The following ATP6V1G3 variants were observed in gnomAD, a reference collection of about 807,000 sequenced individuals.
ATP6V1G3 encodes the protein ATPase H+ transporting V1 subunit G3, also known as V-type proton ATPase subunit G 3.
Under a neutral mutation model 9.3 loss-of-function variants are expected in ATP6V1G3, and 9 were observed. That is an observed-to-expected ratio of 0.97 (90% CI 0.59 to 1.69). ATP6V1G3 has a LOEUF of 1.69. ATP6V1G3 is among the 40% of genes most tolerant of loss of function. The pLI, the probability that ATP6V1G3 is intolerant of heterozygous loss-of-function variation, is 0.00. For synonymous variants in ATP6V1G3, 43 were observed against 43.8 expected, an observed-to-expected ratio of 0.98 and a Z score of 0.07; for missense variants, 133 against 139.0, an observed-to-expected ratio of 0.96 and a Z score of 0.22.
At chr1:198,529,451 T>C (rs1659807355) in intron 1 of ATP6V1G3, among the ~76,000 whole-genome samples, 1 of 151,876 alleles carries the variant, frequency 6.6e-6, no homozygotes, top group Non-Finnish European at 1.5e-5. Flanking sequence ...GACACGTAAA[T>C]GACAACTTTT....
At position 198,529,129 on chromosome 1, in the gene ATP6V1G3, G is replaced by A. The variant is rs764153833; in HGVS notation, c.135C>T (p.Asp45=). 3.4e-6 allele frequency: 5 copies of A among 1,470,834 alleles called. No homozygotes were observed. 91.1% of individuals were successfully genotyped at this position (1,470,834 alleles called of 1,614,324 possible). Residue 45 remains aspartate, a synonymous_variant, in exon 2 of 3, where the codon GAC becomes GAT. Coordinates refer to ENST00000367382, the MANE Select transcript of ATP6V1G3 (RefSeq NM_001376861.1). ...QAKEEAMVEI[D]QYRMQRDKEF... is the part of the protein sequence containing the mutation. ...CTTTATCTCTCTGCATTCTGTACTG[G>A]TCAATTTCTACCATTGCTTCCTCCT...
intron 1 of ATP6V1G3, among the ~76,000 whole-genome samples, chr1:198,531,561 T>C (rs1332686494): frequency 2.6e-5 from 4 of 152,154 alleles, no homozygotes; most frequent in African/African-American, 9.7e-5. Flanking sequence ...GGGTAATGCT[T>C]GAAGATGGAC....
At chr1:198,525,235 G>T (rs1659608792) in intron 2 of ATP6V1G3, among the ~76,000 whole-genome samples, 1 of 152,092 alleles carries the variant, frequency 6.6e-6, no homozygotes, top group Admixed American at 6.5e-5. Context: ...TGTCTTAAGT[G>T]TGATTCTACC....
chr1:198,540,507 C>A (rs2103148922), intron 1 of ATP6V1G3, 62 bp downstream of exon 1: 1 of 1,544,166 alleles, frequency 6.5e-7, no homozygotes, highest in East Asian at 2.2e-5. Flanking sequence ...AAAGTCTATG[C>A]TTATCCCTGC....
Position 198,536,905 on chromosome 1 carries a change from CAT to C in ATP6V1G3, c.82+3662_82+3663del, listed in dbSNP as rs1030551487. Among the ~76,000 whole-genome samples the C allele has an allele frequency of 2.0e-5, 3 of 151,882 alleles. No homozygotes were observed. The East Asian group carries it at 5.8e-4, about 29-fold the overall frequency. On this transcript the variant is annotated intron_variant, in intron 1 of 2. Transcript: ENST00000367382. ...TTTCTGATTCTTACAACCTCTTGGT[CAT>C]ATGTGTGTGTGTGTGCGTGTATTAT...
chr1:198,537,818 C>T (rs910685509), intron 1 of ATP6V1G3, among the ~76,000 whole-genome samples: 3 of 151,966 alleles, frequency 2.0e-5, no homozygotes, highest in Non-Finnish European at 4.4e-5. Flanking sequence ...AGTAGATACC[C>T]AATAAACACT....
intron 2 of ATP6V1G3, among the ~76,000 whole-genome samples, chr1:198,526,052 C>G (rs1659639747): frequency 6.6e-6 from 1 of 152,150 alleles, no homozygotes; most frequent in African/African-American, 2.4e-5. Context: ...TGTAATACCC[C>G]ATAATCACGT....
rs1322410921 is a variant in ATP6V1G3 at position 198,525,565 on chromosome 1, A to G, written c.184-2001T>C. ...AAAGGCAACTCATATATATGTAATT[A>G]TAAGTTTTCTAGAAGCCACATCAAA... On this transcript the variant is annotated intron_variant, in intron 2 of 2. Transcript: ENST00000367382. 5.3e-5 allele frequency among the ~76,000 whole-genome samples: 8 copies of G among 152,324 alleles called. No individual in the cohort carries two copies. The East Asian group carries it at 1.5e-3, about 29-fold the overall frequency.
chr1:198,523,407 T>C lies in ATP6V1G3; in HGVS notation c.341A>G (p.Tyr114Cys). Residue 114 changes from tyrosine to cysteine, a missense_variant, in exon 3 of 3, where the codon TAC becomes TGC. By Grantham distance (194) the Tyr-to-Cys change is radical (BLOSUM62 -2). Transcript: ENST00000367382. ...CDMKPEIHVN[Y>C]RATN ...GATGTACATTTAGTTGGTGGCTCTGTAGTTCACATGGATTTCTGGTTTCAT... is the reference window on the plus strand; with the variant it reads ...GATGTACATTTAGTTGGTGGCTCTGCAGTTCACATGGATTTCTGGTTTCAT... The C allele has an allele frequency of 6.2e-7, 1 of 1,613,004 alleles. No individual in the cohort carries two copies. The highest frequency in any genetic ancestry group is 2.2e-5 in the East Asian group (1 of 44,800).
chr1:198,539,273 A>G (rs1213348109), intron 1 of ATP6V1G3, among the ~76,000 whole-genome samples: 19 of 152,212 alleles, frequency 1.2e-4, no homozygotes, highest in Admixed American at 1.2e-3. Context: ...ATGTTGTAAT[A>G]TATTCCTTCA....
In ATP6V1G3 at chr1:198,540,582, C is replaced by T. The variant is rs752155821; in HGVS notation, c.69G>A (p.Glu23=). The change falls in exon 1 of 3, where the codon GAG becomes GAA. Residue 23 remains glutamate, a synonymous_variant. Transcript: ENST00000367382. ...GGTGAGACTTACTCTTCTTGGCTTC[C>T]TCTAGCTTGTCCTTGGCCCGTTTTT... The part of the protein sequence containing the change: ...QAEKRAKDKL[E]EAKKRKGKRL... 3.7e-6 allele frequency: 6 copies of T among 1,614,004 alleles called. No individual in the cohort carries two copies. In the Admixed American group the frequency reaches 6.7e-5, roughly 18 times the overall value.
chr1:198,528,567 C>G (rs1337133223), intron 2 of ATP6V1G3, among the ~76,000 whole-genome samples: 2 of 151,952 alleles, frequency 1.3e-5, no homozygotes, highest in East Asian at 3.9e-4. Context: ...TTCTTTATCT[C>G]TAAATGAAAG....
chr1:198,535,606 C>A, intron 1 of ATP6V1G3, among the ~76,000 whole-genome samples: 1 of 151,866 alleles, frequency 6.6e-6, no homozygotes, highest in East Asian at 1.9e-4. Context: ...CAACAAAATT[C>A]TTTTTATTGG....
At chr1:198,537,971 T>C (rs1379200495) in intron 1 of ATP6V1G3, among the ~76,000 whole-genome samples, 1 of 152,240 alleles carries the variant, frequency 6.6e-6, no homozygotes, top group Non-Finnish European at 1.5e-5. Context: ...TACCTGCTGA[T>C]AGCTTTAAGA....
chr1:198,535,877 C>T (rs540151829), intron 1 of ATP6V1G3, among the ~76,000 whole-genome samples: 5 of 152,234 alleles, frequency 3.3e-5, no homozygotes, highest in Non-Finnish European at 7.4e-5. Context: ...ACTGACCATA[C>T]TATTTTGGGA....
chr1:198,528,889 A>C (rs957827681), intron 2 of ATP6V1G3, among the ~76,000 whole-genome samples, 192 bp downstream of exon 2: 2 of 151,562 alleles, frequency 1.3e-5, no homozygotes, highest in Admixed American at 6.6e-5. Context: ...GTGAGAAATT[A>C]AAAATGCCTT....
intron 2 of ATP6V1G3, among the ~76,000 whole-genome samples, chr1:198,527,488 A>G (rs1373187767): frequency 6.6e-6 from 1 of 152,192 alleles, no homozygotes; most frequent in Non-Finnish European, 1.5e-5. Flanking sequence ...TGAAATTGTG[A>G]TTAGTTTTGT....
intron 1 of ATP6V1G3, among the ~76,000 whole-genome samples, chr1:198,535,056 T>C (rs1239121219): frequency 6.6e-6 from 1 of 152,188 alleles, no homozygotes; most frequent in East Asian, 1.9e-4. Flanking sequence ...GTATTTTCCT[T>C]ATTAAAAATA....
chr1:198,534,572 A>T (rs1200804276), intron 1 of ATP6V1G3, among the ~76,000 whole-genome samples: 2 of 152,224 alleles, frequency 1.3e-5, no homozygotes, highest in Non-Finnish European at 2.9e-5. Flanking sequence ...AGAATCAGCA[A>T]GGAGCATAGA....
Sources: gnomAD v4.1 joint callset for allele counts (sites outside exome capture counted in the v4.1 genomes callset) on GRCh38, gnomAD v4.1.1 for gene constraint, MANE v1.5 for transcripts, NCBI Gene and HGNC (gene_info 2026-07-23, HGNC 2026-07-21) for gene names.